Variants in CHODL observed in about 807,000 individuals in gnomAD.
CHODL encodes the protein chondrolectin.
Under a neutral mutation model 34.5 loss-of-function variants are expected in CHODL, and 29 were observed. The observed-to-expected ratio is 0.84, with a 90% CI of 0.63 to 1.15. CHODL has a LOEUF of 1.15. Ranked by LOEUF, CHODL falls within the 50% of genes most tolerant of loss-of-function variation. The pLI is 0.00. For synonymous variants in CHODL, 125 were observed against 116.1 expected (o/e 1.08, Z -0.49); for missense variants, 332 against 332.5 (o/e 1.00, Z 0.01).
At chr21:18,011,493 CTT>C (rs929420357) in intron 1 of CHODL, among the ~76,000 whole-genome samples, 26 of 152,124 alleles carry the variant, frequency 1.7e-4, no homozygotes, top group Non-Finnish European at 2.4e-4. Flanking sequence ...TAAAGTATAA[CTT>C]GGCATAAATA....
intron 1 of CHODL, among the ~76,000 whole-genome samples, chr21:17,970,482 G>A (rs1175808340): frequency 6.6e-6 from 1 of 152,104 alleles, no homozygotes; most frequent in Non-Finnish European, 1.5e-5. Context: ...TAACTAAAGA[G>A]AAGAAGGTTT....
chr21:18,088,469 C>T (rs1200003364), intron 2 of CHODL, among the ~76,000 whole-genome samples: 2 of 152,166 alleles, frequency 1.3e-5, no homozygotes, highest in East Asian at 3.9e-4. Flanking sequence ...TCTGGAGCAA[C>T]ATCTGTGTGC....
intron 2 of CHODL, among the ~76,000 whole-genome samples, chr21:18,059,800 G>T (rs2064635502): frequency 6.6e-6 from 1 of 152,084 alleles, no homozygotes. Flanking sequence ...TGAACAATGA[G>T]AACAAACTCA....
intron 2 of CHODL, among the ~76,000 whole-genome samples, chr21:18,191,566 T>C (rs775094294): frequency 6.6e-6 from 1 of 152,198 alleles, no homozygotes; most frequent in Non-Finnish European, 1.5e-5. Context: ...TGCGTATCTT[T>C]TTGTAGAACC....
chr21:18,246,105 C>T, intron 1 of CHODL: 1 of 677,182 alleles, frequency 1.5e-6, no homozygotes, highest in Non-Finnish European at 2.6e-6. Flanking sequence ...TGCAATTACT[C>T]TCCCTTACTT....
intron 2 of CHODL, among the ~76,000 whole-genome samples, chr21:18,031,940 C>T (rs1370046427): frequency 1.3e-5 from 2 of 152,074 alleles, no homozygotes; most frequent in African/African-American, 2.4e-5. Flanking sequence ...CTTGCCATCA[C>T]AGTTGTATCA....
At chr21:18,060,451 A>G (rs189541687) in intron 2 of CHODL, among the ~76,000 whole-genome samples, 1,992 of 151,428 alleles carry the variant, frequency 0.013, 27 homozygotes, top group South Asian at 0.019. Context: ...CTCTGTCTCA[A>G]ATAAATAAAT....
chr21:17,931,781 CT>C (rs2063275599), intron 1 of CHODL, among the ~76,000 whole-genome samples: 1 of 152,118 alleles, frequency 6.6e-6, no homozygotes, highest in Non-Finnish European at 1.5e-5. Context: ...GCCTCTATCT[CT>C]CACCATATAC....
At chr21:18,024,682 C>T (rs1056938381) in intron 1 of CHODL, 11 of 152,138 alleles carry the variant, frequency 7.2e-5, no homozygotes, top group Admixed American at 2.6e-4. Context: ...ATCCTTACCT[C>T]ATTCTTTGAT....
At chr21:17,931,918 C>G (rs1477558919) in intron 1 of CHODL, among the ~76,000 whole-genome samples, 1 of 152,088 alleles carries the variant, frequency 6.6e-6, no homozygotes, top group Non-Finnish European at 1.5e-5. Flanking sequence ...ACTAAGAACT[C>G]AAAAGTAAAT....
chr21:17,933,085 G>T (rs535181016), intron 1 of CHODL, among the ~76,000 whole-genome samples: 26 of 152,248 alleles, frequency 1.7e-4, no homozygotes, highest in African/African-American at 6.0e-4. Context: ...ATTGCTGCCC[G>T]CCTGTCCCAC....
intron 2 of CHODL, among the ~76,000 whole-genome samples, chr21:18,183,833 G>A (rs536211695): frequency 2.9e-4 from 44 of 152,106 alleles, no homozygotes; most frequent in Admixed American, 5.2e-4. Context: ...AAAAAGAAAC[G>A]ATCAGTTGAA....
intron 2 of CHODL, among the ~76,000 whole-genome samples, chr21:18,122,569 A>G (rs544353896): frequency 2.6e-5 from 4 of 152,148 alleles, no homozygotes; most frequent in South Asian, 2.1e-4. Context: ...TACTATTTTA[A>G]TGGGCTCTTC....
intron 1 of CHODL, among the ~76,000 whole-genome samples, chr21:18,002,220 T>C (rs2146400915): frequency 6.6e-6 from 1 of 152,344 alleles, no homozygotes; most frequent in African/African-American, 2.4e-5. Context: ...TGTCAAGTTA[T>C]GTGAATTAAA....
intron 5 of CHODL, among the ~76,000 whole-genome samples, chr21:18,263,224 A>G (rs2074404107): frequency 6.6e-6 from 1 of 152,178 alleles, no homozygotes; most frequent in African/African-American, 2.4e-5. Flanking sequence ...CATATGCACT[A>G]TATTATACTG....
intron 2 of CHODL, among the ~76,000 whole-genome samples, chr21:18,181,442 G>A (rs10470205): frequency 0.021 from 3,228 of 152,194 alleles, 111 homozygotes; most frequent in African/African-American, 0.072. Flanking sequence ...TCGCTCTGTC[G>A]CCTAGGCTGG....
chr21:18,126,349 ATACT>A (rs2065543997), intron 2 of CHODL, among the ~76,000 whole-genome samples: 1 of 152,246 alleles, frequency 6.6e-6, no homozygotes, highest in Non-Finnish European at 1.5e-5. Context: ...ATGCTGTTGC[ATACT>A]TAATAGACTA....
chr21:18,081,948 T>C (rs1302794027), intron 2 of CHODL, among the ~76,000 whole-genome samples: 12 of 152,190 alleles, frequency 7.9e-5, no homozygotes, highest in Non-Finnish European at 1.5e-5. Flanking sequence ...TTATATAATG[T>C]ATCACATTTA....
intron 1 of CHODL, among the ~76,000 whole-genome samples, chr21:17,936,223 C>T (rs2063318001): frequency 6.6e-6 from 1 of 152,076 alleles, no homozygotes. Context: ...CAATGAAGGA[C>T]AGGAGCAAAA....
Sources: gnomAD v4.1 joint callset for allele counts (sites outside exome capture counted in the v4.1 genomes callset) on GRCh38, gnomAD v4.1.1 for gene constraint, MANE v1.5 for transcripts, NCBI Gene and HGNC (gene_info 2026-07-23, HGNC 2026-07-21) for gene names.